The following ANXA4 variants were observed in gnomAD, a reference collection of about 807,000 sequenced individuals.
ANXA4 encodes the protein annexin A4, also known as 35-beta calcimedin.
A neutral mutation model predicts 49.8 loss-of-function variants in ANXA4; 39 were observed. That is an observed-to-expected ratio of 0.78 (90% CI 0.61 to 1.02). ANXA4 has a LOEUF of 1.02. ANXA4 is among the 50% of genes least tolerant of loss of function. ANXA4 has a pLI of 0.00. For missense variants in ANXA4, 360 were observed against 410.1 expected (o/e 0.88, Z 1.05); for synonymous variants, 134 against 152.5 (o/e 0.88, Z 0.89).
chr2:69,815,786 C>G, intron 8 of ANXA4: 1 of 289,988 alleles, frequency 3.4e-6, no homozygotes, highest in Non-Finnish European at 6.5e-6. Context: ...TAAACAGCCA[C>G]ATGTGGTTAG....
chr2:69,820,949 A>T, intron 12 of ANXA4, 128 bp downstream of exon 12: 5 of 1,033,284 alleles, frequency 4.8e-6, no homozygotes, highest in Non-Finnish European at 6.7e-6. Flanking sequence ...TGCTCCCGAT[A>T]TTTCCAGTCT....
chr2:69,808,096 G>A (rs1327789550), intron 6 of ANXA4, 100 bp downstream of exon 6: 5 of 1,143,932 alleles, frequency 4.4e-6, no homozygotes, highest in East Asian at 5.0e-5. Context: ...TTCACAGAAC[G>A]CTGAGCATGA....
chr2:69,726,907 G>A (rs1294306785), intron 3 of ANXA4, among the ~76,000 whole-genome samples: 2 of 152,128 alleles, frequency 1.3e-5, no homozygotes, highest in Non-Finnish European at 2.9e-5. Flanking sequence ...TATATATACA[G>A]GGTCTTGTTC....
At chr2:69,815,943 A>G in intron 8 of ANXA4, 158 bp from the exon 9 acceptor site, 1 of 595,680 alleles carries the variant, frequency 1.7e-6, no homozygotes, top group South Asian at 2.0e-5. Flanking sequence ...TGCCTGAGGA[A>G]GGATCCTGAG....
At chr2:69,648,950 A>G (rs979212528) in intron 1 of ANXA4, among the ~76,000 whole-genome samples, 1 of 143,282 alleles carries the variant, frequency 7.0e-6, no homozygotes, top group Non-Finnish European at 1.5e-5. Flanking sequence ...CAATGGCACA[A>G]TCTTGGCTCA....
intron 2 of ANXA4, among the ~76,000 whole-genome samples, chr2:69,654,804 G>A (rs565229326): frequency 6.6e-6 from 1 of 152,172 alleles, no homozygotes; most frequent in Non-Finnish European, 1.5e-5. Context: ...AACCAAAACA[G>A]CATAGTACTG....
chr2:69,689,519 C>CA (rs1026803959), intron 2 of ANXA4, among the ~76,000 whole-genome samples: 6 of 151,894 alleles, frequency 4.0e-5, no homozygotes, highest in African/African-American at 7.2e-5. Context: ...CTTTATTTCA[C>CA]AAAAAAAATG....
intron 2 of ANXA4, among the ~76,000 whole-genome samples, chr2:69,666,252 T>G (rs559899382): frequency 4.9e-4 from 75 of 152,250 alleles, no homozygotes; most frequent in African/African-American, 1.7e-3. Context: ...TAAACATCAT[T>G]GATTATTAGG....
chr2:69,654,836 C>A (rs1159572273), intron 2 of ANXA4, among the ~76,000 whole-genome samples: 1 of 152,108 alleles, frequency 6.6e-6, no homozygotes, highest in African/African-American at 2.4e-5. Flanking sequence ...GATATATAGA[C>A]CAATGGAACA....
intron 2 of ANXA4, among the ~76,000 whole-genome samples, chr2:69,690,606 C>G (rs1287239713): frequency 2.0e-5 from 3 of 152,184 alleles, no homozygotes; most frequent in Admixed American, 6.5e-5. Flanking sequence ...CCCTGGGATA[C>G]CCTCTCCAGC....
intron 2 of ANXA4, among the ~76,000 whole-genome samples, chr2:69,698,972 A>G (rs1678246410): frequency 6.6e-6 from 1 of 152,274 alleles, no homozygotes; most frequent in Admixed American, 6.5e-5. Flanking sequence ...AAGTGGAACA[A>G]GAGCTAAACA....
At chr2:69,670,045 G>A (rs1677113244) in intron 2 of ANXA4, among the ~76,000 whole-genome samples, 1 of 152,176 alleles carries the variant, frequency 6.6e-6, no homozygotes, top group Non-Finnish European at 1.5e-5. Flanking sequence ...TGCTGCACAC[G>A]TGTCTTATAC....
At chr2:69,819,177 A>G in intron 10 of ANXA4, 103 bp from the exon 11 acceptor site, 1 of 819,558 alleles carries the variant, frequency 1.2e-6, no homozygotes, top group Middle Eastern at 2.6e-4. Context: ...CTGGCAAAGC[A>G]AATATTGATA....
chr2:69,809,368 A>G (rs1673597241), intron 6 of ANXA4: 1 of 152,190 alleles, frequency 6.6e-6, no homozygotes, highest in Non-Finnish European at 1.5e-5. Context: ...CATCTGCCCA[A>G]TGAGGGTTTT....
At chr2:69,737,241 T>C (rs545183463), upstream of ANXA4, among the ~76,000 whole-genome samples, 1 of 152,372 alleles carries the variant, frequency 6.6e-6, no homozygotes, top group South Asian at 2.1e-4. Flanking sequence ...ATCTTCCCTA[T>C]GTCCTCAGTC....
intron 1 of ANXA4, among the ~76,000 whole-genome samples, chr2:69,743,055 C>T (rs1011098040): frequency 2.0e-5 from 3 of 152,172 alleles, no homozygotes; most frequent in Non-Finnish European, 2.9e-5. Flanking sequence ...CTCCTGTAGC[C>T]CAGGCTGGAG....
chr2:69,779,828 C>T (rs1259468183), intron 1 of ANXA4, among the ~76,000 whole-genome samples: 5 of 152,186 alleles, frequency 3.3e-5, no homozygotes, highest in Non-Finnish European at 5.9e-5. Flanking sequence ...CTGTCACTCC[C>T]GCATTTCCTC....
intron 11 of ANXA4, among the ~76,000 whole-genome samples, chr2:69,820,333 G>A (rs768575970): frequency 6.6e-6 from 1 of 151,568 alleles, no homozygotes; most frequent in Non-Finnish European, 1.5e-5. Context: ...AAATGTAGAA[G>A]TTTTACATCA....
intron 3 of ANXA4, among the ~76,000 whole-genome samples, chr2:69,788,697 G>A (rs886145175): frequency 2.0e-5 from 3 of 151,888 alleles, no homozygotes; most frequent in East Asian, 1.9e-4. Context: ...AATTAGCTGG[G>A]CGTGGTGGCG....
Sources: allele counts gnomAD v4.1 joint callset (sites outside exome capture counted in the v4.1 genomes callset), GRCh38; gene constraint gnomAD v4.1.1; transcripts MANE v1.5; gene names NCBI Gene and HGNC (gene_info 2026-07-23, HGNC 2026-07-21).